Variants in TMEM184B observed in about 807,000 individuals in gnomAD.
TMEM184B encodes transmembrane protein 184B, also known as putative MAPK-activating protein FM08.
A neutral mutation model predicts 41.8 loss-of-function variants in TMEM184B; 17 were observed. That is an observed-to-expected ratio of 0.41 (90% CI 0.28 to 0.61). The LOEUF (loss-of-function observed/expected upper bound fraction) is 0.61. TMEM184B is among the 20% of genes least tolerant of loss of function. The pLI is 0.34. For missense variants in TMEM184B, 393 were observed against 557.8 expected (o/e 0.70, Z 2.98); for synonymous variants, 240 against 229.5 (o/e 1.05, Z -0.41).
Position 38,221,365 on chromosome 22 carries a change from G to A in TMEM184B, c.*104C>T, listed in dbSNP as rs929975564. The A allele has an allele frequency of 8.0e-5, 119 of 1,491,438 alleles. No individual in the cohort carries two copies. Among genetic ancestry groups the A allele is most frequent in the Non-Finnish European group, 9.7e-5 (109 of 1,127,942 alleles). 92.4% of individuals were successfully genotyped at this position (1,491,438 alleles called of 1,614,324 possible). A position where few individuals can be genotyped will look rare whatever the true frequency, so the allele number is the denominator to read the frequency against. ...TTCTGGTCCAATAAATAAAGGCGGC[G>A]TGAGCACTGTGCCAGCTGCCTCCTG... On this transcript the variant is annotated 3_prime_UTR_variant, in exon 9 of 9. Transcript: ENST00000361906.
intron 1 of TMEM184B, among the ~76,000 whole-genome samples, chr22:38,268,731 C>T (rs1249042220): frequency 6.6e-6 from 1 of 152,270 alleles, no homozygotes; most frequent in African/African-American, 2.4e-5. Context: ...ATACACATCA[C>T]CTCACTAGAC....
At chr22:38,251,209 C>T (rs76154818) in intron 1 of TMEM184B, among the ~76,000 whole-genome samples, 20,016 of 152,208 alleles carry the variant, frequency 0.13, 1,408 homozygotes, top group South Asian at 0.21. Context: ...GTTTCTGCAC[C>T]GAGGCCAATT....
chr22:38,240,336 AC>A (rs2091876459), intron 3 of TMEM184B, among the ~76,000 whole-genome samples: 1 of 152,212 alleles, frequency 6.6e-6, no homozygotes, highest in African/African-American at 2.4e-5. Context: ...ACATTCTAAA[AC>A]ATGATAAAGG....
In TMEM184B at chr22:38,239,438, C is replaced by A. The variant is rs558638988; in HGVS notation, c.358+6497G>T. ...GACAAGAGGAGTGGCAACAGCCAAG[C>A]GACATCAACAAAGCTCTGAACGCCA... On this transcript the variant is annotated intron_variant, in intron 3 of 8. Coordinates refer to ENST00000361906, the MANE Select transcript of TMEM184B (RefSeq NM_012264.5). This position sits in a 1 kb window ranked among gnomAD's most constrained non-coding sequence, Gnocchi z 4.6. 1 of 152,150 alleles carries A rather than the reference C, an allele frequency of 6.6e-6. No individual in the cohort carries two copies. The highest frequency in any genetic ancestry group is 2.1e-4 in the South Asian group (1 of 4,826). 9.4% of individuals were successfully genotyped at this position (152,150 alleles called of 1,614,324 possible). A position where few individuals can be genotyped will look rare whatever the true frequency, so the allele number is the denominator to read the frequency against.
chr22:38,258,400 A>G (rs576720250), intron 1 of TMEM184B, among the ~76,000 whole-genome samples: 1 of 151,812 alleles, frequency 6.6e-6, no homozygotes, highest in African/African-American at 2.4e-5. Flanking sequence ...TCCCAGGTTC[A>G]AGCGATTCTC....
chr22:38,246,796 G>A (rs2092040265), intron 2 of TMEM184B: 3 of 1,250,196 alleles, frequency 2.4e-6, no homozygotes, highest in Non-Finnish European at 3.1e-6. Context: ...AATGCCAAGA[G>A]CTGCTCTACC....
rs577335878 is a variant in TMEM184B at position 38,219,602 on chromosome 22, C to T, written c.*1867G>A. The T allele has an allele frequency of 6.8e-5, 67 of 985,386 alleles. No individual in the cohort carries two copies. The highest frequency in any genetic ancestry group is 8.1e-5 in the Non-Finnish European group (67 of 829,936). The allele number at this position is 985,386 out of a possible 1,614,324, so 61.0% of individuals were successfully genotyped here. A position where few individuals can be genotyped will look rare whatever the true frequency, so the allele number is the denominator to read the frequency against. ...GATGGAGCGGTCGGGCACATGTTCCCGTCCCCACGACCCCACGGACCGCTG... is the reference window on the plus strand; with the variant it reads ...GATGGAGCGGTCGGGCACATGTTCCTGTCCCCACGACCCCACGGACCGCTG... On this transcript the variant is annotated 3_prime_UTR_variant, in exon 9 of 9. Transcript: ENST00000361906.
rs375762134 is a variant in TMEM184B, at chr22:38,246,704, G to A, written c.193-604C>T. ...GGCAGCACCACTGCTGCTCTGTTTA[G>A]TTAGGCAGCTACCTCACCAGGAAGT... On this transcript the variant is annotated intron_variant, in intron 2 of 8. Coordinates refer to ENST00000361906, the MANE Select transcript of TMEM184B (RefSeq NM_012264.5). 96 of 936,270 alleles carry A rather than the reference G, an allele frequency of 1.0e-4. No homozygotes were observed. In the East Asian group the frequency reaches 3.7e-3, roughly 36 times the overall value. 58.0% of individuals were successfully genotyped at this position (936,270 alleles called of 1,614,324 possible). A position where few individuals can be genotyped will look rare whatever the true frequency, so the allele number is the denominator to read the frequency against.
chr22:38,233,626 G>T, intron 3 of TMEM184B, among the ~76,000 whole-genome samples: 1 of 152,224 alleles, frequency 6.6e-6, no homozygotes, highest in Non-Finnish European at 1.5e-5. Flanking sequence ...AAAGGGAAAG[G>T]GGTGGGCATT....
At chr22:38,230,404 ACT>A (rs2091577638) in intron 5 of TMEM184B, among the ~76,000 whole-genome samples, 1 of 152,188 alleles carries the variant, frequency 6.6e-6, no homozygotes, top group Admixed American at 6.5e-5. Flanking sequence ...TTTCACACAC[ACT>A]GAGACTTGGT....
At chr22:38,269,971 C>T (rs2092498371) in intron 1 of TMEM184B, among the ~76,000 whole-genome samples, 1 of 152,130 alleles carries the variant, frequency 6.6e-6, no homozygotes. Context: ...TAATACTGCC[C>T]CATAACACAT....
At chr22:38,247,164 G>C (rs115418229) in intron 2 of TMEM184B, among the ~76,000 whole-genome samples, 1,551 of 152,254 alleles carry the variant, frequency 0.01, 26 homozygotes, top group African/African-American at 0.036. Context: ...AAGTGACCAG[G>C]CTAGTTCCTC....
chr22:38,270,975 T>C (rs2092513445), intron 1 of TMEM184B, among the ~76,000 whole-genome samples: 1 of 152,206 alleles, frequency 6.6e-6, no homozygotes, highest in Admixed American at 6.5e-5. Context: ...CTAGGACAAG[T>C]GGCTCATTCA....
chr22:38,255,905 G>A (rs113217645), intron 1 of TMEM184B, among the ~76,000 whole-genome samples: 2 of 152,334 alleles, frequency 1.3e-5, no homozygotes, highest in African/African-American at 4.8e-5. Flanking sequence ...AATTTTAAAG[G>A]GTACCAGGGG....
intron 1 of TMEM184B, among the ~76,000 whole-genome samples, chr22:38,259,595 A>G (rs1251774666): frequency 6.6e-6 from 1 of 152,240 alleles, no homozygotes; most frequent in African/African-American, 2.4e-5. Context: ...GGTGGTCTCT[A>G]GGAGCTGGAA....
At chr22:38,216,724 CAA>C (rs1312884452), downstream of TMEM184B, among the ~76,000 whole-genome samples, 1 of 151,956 alleles carries the variant, frequency 6.6e-6, no homozygotes, top group Non-Finnish European at 1.5e-5. Context: ...CCTGGGAAGA[CAA>C]AGCCATGGGC....
intron 1 of TMEM184B, among the ~76,000 whole-genome samples, chr22:38,266,611 T>C (rs1182762367): frequency 6.6e-6 from 1 of 152,268 alleles, no homozygotes; most frequent in Admixed American, 6.5e-5. Context: ...TATCTATAGC[T>C]ACCTTTCAAA....
chr22:38,221,401 G>A lies in TMEM184B; in HGVS notation c.*68C>T. 3 of 1,520,472 alleles carry A rather than the reference G, an allele frequency of 2.0e-6. No individual in the cohort carries two copies. Among genetic ancestry groups the A allele is most frequent in the Non-Finnish European group, 8.8e-7 (1 of 1,139,014 alleles). The allele number at this position is 1,520,472 out of a possible 1,614,324, so 94.2% of individuals were successfully genotyped here. On this transcript the variant is annotated 3_prime_UTR_variant, in exon 9 of 9. Coordinates refer to ENST00000361906, the MANE Select transcript of TMEM184B (RefSeq NM_012264.5). The stretch of plus-strand genomic sequence containing the variant: ...GCCAGCTGCCTCCTGGCCTGGTGGT[G>A]AGGCTGGAGGTGGGGCACAGCCTGA...
At chr22:38,253,477 G>A (rs566157593) in intron 1 of TMEM184B, among the ~76,000 whole-genome samples, 18 of 151,576 alleles carry the variant, frequency 1.2e-4, no homozygotes, top group Admixed American at 3.9e-4. Flanking sequence ...AGGCTGAGGC[G>A]GGAGAATCAC....
Sources: allele counts gnomAD v4.1 joint callset (sites outside exome capture counted in the v4.1 genomes callset), GRCh38; gene constraint gnomAD v4.1.1; non-coding constraint Gnocchi (gnomAD v3.1); transcripts MANE v1.5; gene names NCBI Gene and HGNC (gene_info 2026-07-23, HGNC 2026-07-21).